The following ASXL1 variants were observed in gnomAD, a reference collection of about 807,000 sequenced individuals.
ASXL1 encodes the protein ASXL transcriptional regulator 1.
In ASXL1, 65 loss-of-function variants were observed where a neutral mutation model predicts 89.1. The observed-to-expected ratio is 0.73, with a 90% CI of 0.60 to 0.90. The LOEUF is 0.90. ASXL1 is among the 40% of genes least tolerant of loss of function. The pLI, the probability that ASXL1 is intolerant of heterozygous loss-of-function variation, is 0.00. For missense variants in ASXL1, 1,786 were observed against 1,942.9 expected, an observed-to-expected ratio of 0.92 and a Z score of 1.52; for synonymous variants, 739 against 746.9, an observed-to-expected ratio of 0.99 and a Z score of 0.17.
intron 4 of ASXL1, among the ~76,000 whole-genome samples, chr20:32,369,453 T>C (rs1293503440): frequency 6.6e-6 from 1 of 152,058 alleles, no homozygotes; most frequent in Non-Finnish European, 1.5e-5. Flanking sequence ...GGTTTCACCA[T>C]GTTGGCCAGG....
At chr20:32,413,222 A>G (rs1240881658) in intron 4 of ASXL1, among the ~76,000 whole-genome samples, 1 of 152,196 alleles carries the variant, frequency 6.6e-6, no homozygotes, top group Non-Finnish European at 1.5e-5. Context: ...ACAGATGTGT[A>G]TATTATCATT....
At chr20:32,370,987 AAG>A (rs902343328) in intron 4 of ASXL1, among the ~76,000 whole-genome samples, 4 of 147,898 alleles carry the variant, frequency 2.7e-5, no homozygotes, top group Non-Finnish European at 4.4e-5. Context: ...AAAAAAAAAA[AAG>A]CCTTGCGTGG....
At chr20:32,434,207 C>G (rs920880919) in intron 12 of ASXL1, 93 of 705,084 alleles carry the variant, frequency 1.3e-4, no homozygotes, top group Non-Finnish European at 1.9e-4. Context: ...CACAGTCCCA[C>G]CAGAAATTAA....
At chr20:32,428,502 G>T in intron 6 of ASXL1, 80 bp downstream of exon 6, 1 of 1,328,966 alleles carries the variant, frequency 7.5e-7, no homozygotes, top group South Asian at 1.2e-5. Context: ...CCTGTAGTGA[G>T]CTGTGAACAT....
chr20:32,433,718 T>A lies in ASXL1; in HGVS notation c.1520T>A (p.Ile507Asn), dbSNP rs138971201. 1.5e-4 allele frequency: 236 copies of A among 1,613,292 alleles called. No homozygotes were observed. In the African/African-American group the frequency reaches 3.1e-3, roughly 21 times the overall value. ...CGTGCCTCTGCATCTCCAGACAGAA[T>A]TCCTAGCCTGCCTCAGGAAACTGTG... ...LARASASPDR[I>N]PSLPQETVDQ... is the part of the protein sequence containing the mutation. The change falls in exon 12 of 13, where the codon ATT (isoleucine) becomes AAT (asparagine). Residue 507 changes from isoleucine (I) to asparagine (N), a missense_variant. Coordinates refer to ENST00000375687, the MANE Select transcript of ASXL1 (RefSeq NM_015338.6).
At chr20:32,376,235 A>T (rs1039712848) in intron 4 of ASXL1, among the ~76,000 whole-genome samples, 3 of 151,418 alleles carry the variant, frequency 2.0e-5, no homozygotes, top group Non-Finnish European at 4.4e-5. Flanking sequence ...ATTTTATTTT[A>T]TTTTTATTTT....
intron 4 of ASXL1, chr20:32,427,709 T>C (rs775309142): frequency 4.1e-5 from 11 of 266,324 alleles, no homozygotes; most frequent in Non-Finnish European, 7.3e-5. Flanking sequence ...CGTCTTTCGC[T>C]CAACTCATTG....
Position 32,436,462 on chromosome 20 carries a change from A to G in ASXL1, c.3750A>G (p.Ser1250=). 6.2e-7 allele frequency: 1 copy of G among 1,614,174 alleles called. No homozygotes were observed. The highest frequency in any genetic ancestry group is 8.5e-7 in the Non-Finnish European group (1 of 1,180,046). ...CEDQKEVRAM[S]QDSNSNAAPG... is the part of the protein sequence containing the mutation. The stretch of plus-strand genomic sequence containing the variant: ...ATCAGAAGGAAGTCCGTGCTATGTC[A>G]CAGGACAGTAATTCAAATGCTGCTC... The change falls in exon 13 of 13, where the codon TCA becomes TCG. Residue 1250 remains serine, a synonymous_variant. Coordinates refer to ENST00000375687, the MANE Select transcript of ASXL1 (RefSeq NM_015338.6).
chr20:32,400,877 T>C (rs1194517407), intron 4 of ASXL1, among the ~76,000 whole-genome samples: 3 of 152,248 alleles, frequency 2.0e-5, no homozygotes, highest in Admixed American at 2.0e-4. Context: ...CTGTCTCTCA[T>C]TGCCTGCTGC....
intron 4 of ASXL1, among the ~76,000 whole-genome samples, chr20:32,406,342 G>A (rs1010794856): frequency 2.0e-5 from 3 of 151,836 alleles, no homozygotes; most frequent in South Asian, 4.2e-4. Flanking sequence ...GAACACAGGC[G>A]TTCTAGATCA....
intron 1 of ASXL1, chr20:32,360,084 A>C: frequency 2.2e-6 from 1 of 446,506 alleles, no homozygotes; most frequent in Non-Finnish European, 4.1e-6. Flanking sequence ...AAAAAAATAG[A>C]CTGTATTGGG....
intron 4 of ASXL1, among the ~76,000 whole-genome samples, chr20:32,421,012 G>C (rs1330872289): frequency 3.7e-5 from 5 of 136,012 alleles, no homozygotes; most frequent in Non-Finnish European, 7.7e-5. Flanking sequence ...AAATGGGAGT[G>C]AACAGTGAGA....
At chr20:32,413,585 G>T (rs1219673063) in intron 4 of ASXL1, among the ~76,000 whole-genome samples, 1 of 151,982 alleles carries the variant, frequency 6.6e-6, no homozygotes, top group Non-Finnish European at 1.5e-5. Context: ...CCTGCTCTCC[G>T]CATGGACAGT....
At chr20:32,397,917 T>C (rs2048798161) in intron 4 of ASXL1, among the ~76,000 whole-genome samples, 1 of 152,248 alleles carries the variant, frequency 6.6e-6, no homozygotes, top group Non-Finnish European at 1.5e-5. Context: ...TCCACTGTTA[T>C]CTTTCTGTTA....
rs938323209 is a variant in ASXL1 at position 32,438,919 on chromosome 20, A to G, written c.*1581A>G. The G allele has an allele frequency of 4.3e-6, 1 of 233,472 alleles. No homozygotes were observed. The highest frequency in any genetic ancestry group is 8.5e-6 in the Non-Finnish European group (1 of 118,046). 14.5% of individuals were successfully genotyped at this position (233,472 alleles called of 1,614,324 possible). ...TCCCTTGCCTTGTTTCCTGCCTTAT[A>G]TCTTGTATTTCGACTTATTACAGAG... On this transcript the variant is annotated 3_prime_UTR_variant, in exon 13 of 13. Coordinates refer to ENST00000375687, the MANE Select transcript of ASXL1 (RefSeq NM_015338.6).
At chr20:32,382,897 G>C (rs2048513902) in intron 4 of ASXL1, among the ~76,000 whole-genome samples, 1 of 152,096 alleles carries the variant, frequency 6.6e-6, no homozygotes, top group Non-Finnish European at 1.5e-5. Context: ...TTAATGCTTG[G>C]AATCCTAGAA....
chr20:32,438,885 T>C lies in ASXL1; in HGVS notation c.*1547T>C. On this transcript the variant is annotated 3_prime_UTR_variant, in exon 13 of 13. Coordinates refer to ENST00000375687, the MANE Select transcript of ASXL1 (RefSeq NM_015338.6). ...TGTTTCCAGCAAGTAGATGCCCCTGTGTGTGTTTTCCCTTGCCTTGTTTCC... is the reference window on the plus strand; with the variant it reads ...TGTTTCCAGCAAGTAGATGCCCCTGCGTGTGTTTTCCCTTGCCTTGTTTCC... The C allele has an allele frequency of 4.3e-6, 1 of 233,500 alleles. No homozygotes were observed. The highest frequency in any genetic ancestry group is 6.0e-5 in the East Asian group (1 of 16,598). The allele number at this position is 233,500 out of a possible 1,614,324, so 14.5% of individuals were successfully genotyped here.
chr20:32,435,102 A>G lies in ASXL1; in HGVS notation c.2390A>G (p.Glu797Gly). The G allele has an allele frequency of 6.2e-7, 1 of 1,613,976 alleles. No individual in the cohort carries two copies. Among genetic ancestry groups the G allele is most frequent in the Non-Finnish European group, 8.5e-7 (1 of 1,180,022 alleles). Reference sequence around the variant, plus strand: ...TGTGAGTCTGGCACCACTTCCTGGGAAAGTGATGATGAGGAGCAAGGACCC... The same window carrying G: ...TGTGAGTCTGGCACCACTTCCTGGGGAAGTGATGATGAGGAGCAAGGACCC... ...TECESGTTSW[E>G]SDDEEQGPTV... The change falls in exon 13 of 13, where the codon GAA becomes GGA. Residue 797 changes from glutamate to glycine, a missense_variant. Glu to Gly is a moderately conservative substitution (Grantham distance 98). This residue lies in a region of ASXL1 where 1,418 missense variants were observed against 1,427.8 expected (regional missense o/e 0.99). Transcript: ENST00000375687.
chr20:32,428,652 CTTTTTTTTTTTTTT>C lies in ASXL1; in HGVS notation c.471+244_471+257del, dbSNP rs35966674. 9.9e-4 allele frequency: 147 copies of C among 147,948 alleles called. 1 individual carries two copies. Among genetic ancestry groups the C allele is most frequent in the African/African-American group, 7.7e-3 (128 of 16,732 alleles). The allele number at this position is 147,948 out of a possible 1,614,324, so 9.2% of individuals were successfully genotyped here. ...CCTTGGCTGAGTGATTTTGTTCATT[CTTTTTTTTTTTTTT>C]TTTTTTTTTTTTTGAGATGGAGTCG... On this transcript the variant is annotated intron_variant, in intron 6 of 12. Transcript: ENST00000375687.
Sources: allele counts gnomAD v4.1 joint callset (sites outside exome capture counted in the v4.1 genomes callset), GRCh38; gene constraint gnomAD v4.1.1; regional missense constraint gnomAD v4.1.1; transcripts MANE v1.5; gene names NCBI Gene and HGNC (gene_info 2026-07-23, HGNC 2026-07-21).